The following AUTS2 variants were observed in gnomAD, a reference collection of about 807,000 sequenced individuals.
AUTS2 encodes the protein activator of transcription and developmental regulator AUTS2, also known as autism susceptibility gene 2 protein.
In AUTS2, 17 loss-of-function variants were observed where a neutral mutation model predicts 112.4. The observed-to-expected ratio is 0.15, with a 90% CI of 0.10 to 0.23. AUTS2 has a LOEUF of 0.23. Among genes scored for constraint, AUTS2 ranks in the 10% least tolerant of loss-of-function variants. The pLI, the probability that AUTS2 is intolerant of heterozygous loss-of-function variation, is 1.00. For synonymous variants in AUTS2, 751 were observed against 702.7 expected (o/e 1.07, Z -1.09); for missense variants, 1,510 against 1,701.6 (o/e 0.89, Z 1.98).
At chr7:70,472,537 G>A (rs928279836) in intron 5 of AUTS2, among the ~76,000 whole-genome samples, 3 of 152,046 alleles carry the variant, frequency 2.0e-5, no homozygotes, top group African/African-American at 7.2e-5. Context: ...ATATTTGCAT[G>A]TAAGTGTACT....
intron 2 of AUTS2, among the ~76,000 whole-genome samples, chr7:70,102,789 G>T (rs964479792): frequency 2.6e-5 from 4 of 151,906 alleles, no homozygotes; most frequent in East Asian, 1.9e-4. Flanking sequence ...CTTTAAGATG[G>T]CTAAGGTAAA....
chr7:70,295,484 T>C (rs1788892157), intron 4 of AUTS2, among the ~76,000 whole-genome samples: 1 of 152,166 alleles, frequency 6.6e-6, no homozygotes, highest in Non-Finnish European at 1.5e-5. Context: ...TAAATTTTGA[T>C]TTTTTGTTTT....
At chr7:70,283,837 A>T (rs1310814007) in intron 4 of AUTS2, among the ~76,000 whole-genome samples, 1 of 152,124 alleles carries the variant, frequency 6.6e-6, no homozygotes, top group Non-Finnish European at 1.5e-5. Flanking sequence ...TCATTTTTTA[A>T]AAAAGGAAAG....
chr7:70,777,300 A>C, intron 14 of AUTS2, 126 bp downstream of exon 14: 3 of 865,228 alleles, frequency 3.5e-6, no homozygotes, highest in Non-Finnish European at 5.6e-6. Context: ...GGAAGGATCA[A>C]GCCTCTCTTG....
intron 2 of AUTS2, among the ~76,000 whole-genome samples, chr7:70,002,660 T>C (rs1799251018): frequency 6.6e-6 from 1 of 152,148 alleles, no homozygotes; most frequent in Admixed American, 6.6e-5. Flanking sequence ...AGACGACACT[T>C]ACAGTGAGTC....
At chr7:70,071,950 T>C (rs1802789012) in intron 2 of AUTS2, among the ~76,000 whole-genome samples, 1 of 150,808 alleles carries the variant, frequency 6.6e-6, no homozygotes, top group Non-Finnish European at 1.5e-5. Context: ...CAGATTGCAT[T>C]GACAAAGCTT....
chr7:69,743,653 G>T (rs1298881608), intron 1 of AUTS2, among the ~76,000 whole-genome samples: 1 of 151,914 alleles, frequency 6.6e-6, no homozygotes, highest in East Asian at 1.9e-4. Context: ...CTTACATTTG[G>T]CCCCAGGCAA....
At chr7:69,966,530 G>C (rs1797641950) in intron 2 of AUTS2, among the ~76,000 whole-genome samples, 1 of 152,176 alleles carries the variant, frequency 6.6e-6, no homozygotes, top group Admixed American at 6.5e-5. Context: ...ATAGTTTACA[G>C]CAATCAGTAG....
chr7:69,816,172 T>C (rs1235425936), intron 1 of AUTS2, among the ~76,000 whole-genome samples: 3 of 152,202 alleles, frequency 2.0e-5, no homozygotes, highest in Admixed American at 2.0e-4. Context: ...GGGGCAAGCT[T>C]TCCCCGTGGG....
chr7:70,775,430 C>G, intron 13 of AUTS2, 44 bp downstream of exon 13: 1 of 1,510,052 alleles, frequency 6.6e-7, no homozygotes, highest in Non-Finnish European at 9.2e-7. Context: ...CTCTATTTGA[C>G]TCCCTGTGGG....
chr7:69,759,651 T>G (rs895522356), intron 1 of AUTS2, among the ~76,000 whole-genome samples: 1 of 151,918 alleles, frequency 6.6e-6, no homozygotes, highest in Non-Finnish European at 1.5e-5. Context: ...TTAGATCTCC[T>G]CAGTGCCTGT....
intron 5 of AUTS2, among the ~76,000 whole-genome samples, chr7:70,623,220 A>G (rs1317728081): frequency 6.6e-6 from 1 of 152,244 alleles, no homozygotes; most frequent in African/African-American, 2.4e-5. Flanking sequence ...CTTGGTCAAT[A>G]CTAAATAGTT....
intron 1 of AUTS2, among the ~76,000 whole-genome samples, chr7:69,619,263 A>G (rs1202318651): frequency 6.6e-6 from 1 of 152,218 alleles, no homozygotes; most frequent in African/African-American, 2.4e-5. Context: ...ATTACAAAGC[A>G]TAAGCATCAG....
chr7:69,857,816 CAAA>C (rs891544529), intron 1 of AUTS2, among the ~76,000 whole-genome samples: 1 of 110,568 alleles, frequency 9.0e-6, no homozygotes. Flanking sequence ...GACTCCGTCT[CAAA>C]AAAAAAAAAA....
At chr7:70,113,537 C>G (rs1469700719) in intron 2 of AUTS2, among the ~76,000 whole-genome samples, 1 of 151,970 alleles carries the variant, frequency 6.6e-6, no homozygotes, top group Non-Finnish European at 1.5e-5. Flanking sequence ...TGAAACATTC[C>G]CCAAATTTTG....
At chr7:70,729,570 C>G (rs1787244782) in intron 6 of AUTS2, among the ~76,000 whole-genome samples, 1 of 152,230 alleles carries the variant, frequency 6.6e-6, no homozygotes, top group African/African-American at 2.4e-5. Context: ...TCTTACTCTT[C>G]AGTAAACTCC....
chr7:69,929,939 T>C (rs1796165795), intron 2 of AUTS2, among the ~76,000 whole-genome samples: 1 of 152,226 alleles, frequency 6.6e-6, no homozygotes, highest in East Asian at 1.9e-4. Flanking sequence ...ATTTTGGTAT[T>C]TCTATAAGTC....
At chr7:70,089,103 T>A (rs1048773228) in intron 2 of AUTS2, among the ~76,000 whole-genome samples, 14 of 152,196 alleles carry the variant, frequency 9.2e-5, no homozygotes, top group Non-Finnish European at 1.6e-4. Flanking sequence ...TAAATGTCAA[T>A]TATGCATAAT....
chr7:69,851,470 A>C (rs1157962820), intron 1 of AUTS2, among the ~76,000 whole-genome samples: 2 of 152,150 alleles, frequency 1.3e-5, no homozygotes, highest in African/African-American at 4.8e-5. Context: ...GGCTGGTCTT[A>C]AACACCTGGA....
Sources: allele counts gnomAD v4.1 joint callset (sites outside exome capture counted in the v4.1 genomes callset), GRCh38; gene constraint gnomAD v4.1.1; transcripts MANE v1.5; gene names NCBI Gene and HGNC (gene_info 2026-07-23, HGNC 2026-07-21).